SNTB1: variants seen among roughly 807,000 people sequenced by gnomAD.
The protein encoded by SNTB1 is syntrophin beta 1.
In SNTB1, 36 loss-of-function variants were observed where a neutral mutation model predicts 48.9. That is an observed-to-expected ratio of 0.74 (90% CI 0.56 to 0.97). The LOEUF (loss-of-function observed/expected upper bound fraction) is 0.97, where lower values mean the gene tolerates loss of function less well. Among genes scored for constraint, SNTB1 ranks in the 50% least tolerant of loss-of-function variants. The probability of loss-of-function intolerance (pLI) is 0.00; values close to 1 mark genes in which losing one functional copy is unlikely to be tolerated. For synonymous variants in SNTB1, 299 were observed against 294.6 expected (o/e 1.01, Z -0.15); for missense variants, 786 against 703.4 (o/e 1.12, Z -1.33).
At chr8:120,646,882 G>T (rs1349215135) in intron 2 of SNTB1, among the ~76,000 whole-genome samples, 5 of 151,760 alleles carry the variant, frequency 3.3e-5, no homozygotes, top group Admixed American at 6.6e-5. Context: ...CTTCTTCCTG[G>T]TTTAGTCTTG....
chr8:120,641,105 C>CA (rs200688098), intron 2 of SNTB1, among the ~76,000 whole-genome samples: 7,652 of 150,570 alleles, frequency 0.051, 273 homozygotes, highest in Admixed American at 0.085. Flanking sequence ...AACTGTCAAT[C>CA]AAAAAAAAAT....
chr8:120,741,228 T>C (rs966190592), intron 1 of SNTB1, among the ~76,000 whole-genome samples: 63 of 152,358 alleles, frequency 4.1e-4, no homozygotes, highest in African/African-American at 1.4e-3. Context: ...CAACGAGTCA[T>C]TGATTTTCTT....
chr8:120,599,063 GAT>G (rs1391548450), intron 3 of SNTB1, among the ~76,000 whole-genome samples: 5 of 152,172 alleles, frequency 3.3e-5, no homozygotes, highest in Admixed American at 3.3e-4. Flanking sequence ...TTAGGATCTG[GAT>G]ATGTTTACAG....
intron 1 of SNTB1, among the ~76,000 whole-genome samples, chr8:120,739,537 TA>T (rs1819008678): frequency 6.6e-6 from 1 of 152,196 alleles, no homozygotes; most frequent in African/African-American, 2.4e-5. Context: ...CCTAATAAAC[TA>T]AAATTATCTT....
At chr8:120,587,703 C>A (rs530783984) in intron 3 of SNTB1, among the ~76,000 whole-genome samples, 2 of 152,230 alleles carry the variant, frequency 1.3e-5, no homozygotes, top group Non-Finnish European at 2.9e-5. Context: ...TGCTCTCTCA[C>A]GGACCTTCTT....
chr8:120,547,818 AC>A (rs1321721261), intron 5 of SNTB1, among the ~76,000 whole-genome samples: 1 of 151,992 alleles, frequency 6.6e-6, no homozygotes, highest in Non-Finnish European at 1.5e-5. Context: ...CTCTTCATTC[AC>A]ACCAGGGCAG....
chr8:120,691,673 G>A (rs4407922), intron 2 of SNTB1, among the ~76,000 whole-genome samples: 14 of 152,082 alleles, frequency 9.2e-5, no homozygotes, highest in Non-Finnish European at 1.9e-4. Context: ...GCAGAAACTG[G>A]CTTTTTAAAT....
intron 3 of SNTB1, among the ~76,000 whole-genome samples, chr8:120,612,024 GA>G (rs566283358): frequency 3.7e-4 from 56 of 152,154 alleles, no homozygotes; most frequent in African/African-American, 1.3e-3. Context: ...GTGAGTCACT[GA>G]ATTTCCATTT....
intron 1 of SNTB1, among the ~76,000 whole-genome samples, chr8:120,749,729 C>T (rs1432937911): frequency 6.6e-6 from 1 of 152,128 alleles, no homozygotes; most frequent in Non-Finnish European, 1.5e-5. Context: ...ATTTCCGCTG[C>T]AAGTCTAGGT....
chr8:120,592,244 T>C (rs1027594863), intron 3 of SNTB1, among the ~76,000 whole-genome samples: 2 of 152,108 alleles, frequency 1.3e-5, no homozygotes, highest in Admixed American at 1.3e-4. Context: ...TGCAGTGTCG[T>C]GATCACGGCA....
At chr8:120,679,642 C>A (rs774754401) in intron 2 of SNTB1, among the ~76,000 whole-genome samples, 9 of 152,188 alleles carry the variant, frequency 5.9e-5, no homozygotes, top group Non-Finnish European at 1.0e-4. Context: ...ACTGCCCTAA[C>A]CTTATAAAAG....
intron 4 of SNTB1, among the ~76,000 whole-genome samples, chr8:120,551,936 T>C (rs1815488209): frequency 6.6e-6 from 1 of 152,122 alleles, no homozygotes; most frequent in Non-Finnish European, 1.5e-5. Flanking sequence ...ATTTAGTACA[T>C]TATAGTCAGC....
chr8:120,731,745 C>T (rs529098283), intron 1 of SNTB1, among the ~76,000 whole-genome samples: 1 of 152,284 alleles, frequency 6.6e-6, no homozygotes, highest in East Asian at 1.9e-4. Context: ...AGTAGCCAAA[C>T]CTGCAGATGT....
At chr8:120,568,825 A>C (rs932867834) in intron 4 of SNTB1, among the ~76,000 whole-genome samples, 2 of 152,254 alleles carry the variant, frequency 1.3e-5, no homozygotes, top group Non-Finnish European at 2.9e-5. Flanking sequence ...TAGGGTTAAT[A>C]TCCACACAGA....
chr8:120,693,655 G>T, intron 2 of SNTB1, 37 bp downstream of exon 2: 1 of 1,580,064 alleles, frequency 6.3e-7, no homozygotes, highest in Non-Finnish European at 8.7e-7. Context: ...AGGCCGAGGA[G>T]CTGCTTGATA....
intron 4 of SNTB1, among the ~76,000 whole-genome samples, chr8:120,565,281 A>C (rs773358115): frequency 1.2e-4 from 19 of 152,206 alleles, no homozygotes; most frequent in Non-Finnish European, 2.4e-4. Context: ...TTTATTTAGC[A>C]CTTGCCATGT....
intron 2 of SNTB1, chr8:120,654,980 A>G (rs1418150022): frequency 1.1e-5 from 5 of 456,092 alleles, no homozygotes; most frequent in Non-Finnish European, 2.2e-5. Context: ...GGAGAATTCA[A>G]ACCACATGGT....
At chr8:120,781,262 G>C (rs1389720761) in intron 1 of SNTB1, among the ~76,000 whole-genome samples, 1 of 152,160 alleles carries the variant, frequency 6.6e-6, no homozygotes, top group Non-Finnish European at 1.5e-5. Flanking sequence ...GCTAAATATG[G>C]AAACTGTTAA....
intron 1 of SNTB1, among the ~76,000 whole-genome samples, chr8:120,742,262 T>TA (rs1563586746): frequency 6.6e-6 from 1 of 152,216 alleles, no homozygotes; most frequent in African/African-American, 2.4e-5. Context: ...GCTGTGCCTT[T>TA]AAAAAAGATT....
Sources: allele counts gnomAD v4.1 joint callset (sites outside exome capture counted in the v4.1 genomes callset), GRCh38; gene constraint gnomAD v4.1.1; transcripts MANE v1.5; gene names NCBI Gene and HGNC (gene_info 2026-07-23, HGNC 2026-07-21).